The following FBXL2 variants were observed in gnomAD, a reference collection of about 807,000 sequenced individuals.
FBXL2 encodes F-box and leucine rich repeat protein 2, also known as F-box/LRR-repeat protein 2.
Under a neutral mutation model 69.2 loss-of-function variants are expected in FBXL2, and 38 were observed. That is an observed-to-expected ratio of 0.55 (90% CI 0.42 to 0.72). The LOEUF is 0.72. Among genes scored for constraint, FBXL2 ranks in the 30% least tolerant of loss-of-function variants. The pLI is 0.00. For missense variants in FBXL2, 354 were observed against 520.3 expected, an observed-to-expected ratio of 0.68 and a Z score of 3.11; for synonymous variants, 192 against 201.3, an observed-to-expected ratio of 0.95 and a Z score of 0.39.
chr3:33,277,399 C>A, upstream of FBXL2: 1 of 1,150,930 alleles, frequency 8.7e-7, no homozygotes, highest in Non-Finnish European at 1.1e-6. Context: ...CCAATGGCCG[C>A]CTCCGAGCCC....
At chr3:33,319,204 C>T (rs1420560788) in intron 2 of FBXL2, among the ~76,000 whole-genome samples, 1 of 151,966 alleles carries the variant, frequency 6.6e-6, no homozygotes, top group Non-Finnish European at 1.5e-5. Flanking sequence ...AGTATGGGAG[C>T]CCCCTTGTGG....
At chr3:33,404,240 G>A (rs560461934), downstream of FBXL2, among the ~76,000 whole-genome samples, 4 of 152,156 alleles carry the variant, frequency 2.6e-5, no homozygotes, top group Admixed American at 6.5e-5. Context: ...GTGACACCCC[G>A]TCTCTACTAA....
chr3:33,309,157 T>C (rs2036968056), intron 2 of FBXL2, among the ~76,000 whole-genome samples: 1 of 152,214 alleles, frequency 6.6e-6, no homozygotes, highest in African/African-American at 2.4e-5. Flanking sequence ...AATGTGCCAT[T>C]GCTGAAAGTG....
intron 5 of FBXL2, among the ~76,000 whole-genome samples, chr3:33,371,873 C>T (rs961107645): frequency 2.6e-5 from 4 of 152,108 alleles, no homozygotes; most frequent in African/African-American, 7.2e-5. Flanking sequence ...GCTAATTATG[C>T]GCCACTCCTA....
At chr3:33,311,105 A>G (rs555406034) in intron 2 of FBXL2, among the ~76,000 whole-genome samples, 3 of 152,246 alleles carry the variant, frequency 2.0e-5, no homozygotes, top group East Asian at 3.9e-4. Flanking sequence ...ATGTCATCCT[A>G]TTCTCTTGTA....
At chr3:33,293,200 T>A (rs2125704290) in intron 1 of FBXL2, among the ~76,000 whole-genome samples, 1 of 152,338 alleles carries the variant, frequency 6.6e-6, no homozygotes, top group East Asian at 1.9e-4. Context: ...ACAGCTGTCA[T>A]CATAGCTACC....
the FBXL2 span, among the ~76,000 whole-genome samples, chr3:33,416,473 CTT>C: frequency 1.3e-5 from 2 of 152,156 alleles, no homozygotes; most frequent in Admixed American, 1.3e-4. Flanking sequence ...CCCATATTAT[CTT>C]TTACTTTTAG....
At chr3:33,282,655 G>A (rs1277063088) in intron 1 of FBXL2, among the ~76,000 whole-genome samples, 4 of 152,240 alleles carry the variant, frequency 2.6e-5, no homozygotes, top group South Asian at 2.1e-4. Flanking sequence ...CCATTTTCAC[G>A]ATATTGATTC....
intron 2 of FBXL2, among the ~76,000 whole-genome samples, chr3:33,353,195 A>G (rs905140929): frequency 6.6e-6 from 1 of 152,226 alleles, no homozygotes; most frequent in African/African-American, 2.4e-5. Flanking sequence ...TCAAAATGGT[A>G]CAGCCAGTTT....
chr3:33,348,569 G>C (rs988202672), intron 2 of FBXL2, among the ~76,000 whole-genome samples: 2 of 152,054 alleles, frequency 1.3e-5, no homozygotes, highest in African/African-American at 4.8e-5. Context: ...TATTTTGATA[G>C]GGATTGCATT....
chr3:33,332,684 G>C (rs1258204131), intron 2 of FBXL2, among the ~76,000 whole-genome samples: 1 of 152,216 alleles, frequency 6.6e-6, no homozygotes, highest in Non-Finnish European at 1.5e-5. Context: ...TACTGTGCAT[G>C]TAGGCTATAT....
At chr3:33,395,849 CAAAA>C (rs1185296193) in intron 12 of FBXL2, among the ~76,000 whole-genome samples, 2 of 105,878 alleles carry the variant, frequency 1.9e-5, no homozygotes, top group Admixed American at 9.8e-5. Context: ...TAAATCTGAC[CAAAA>C]AAAAAAAAAA....
intron 2 of FBXL2, among the ~76,000 whole-genome samples, chr3:33,311,800 T>A (rs781031241): frequency 1.3e-5 from 2 of 152,052 alleles, no homozygotes; most frequent in African/African-American, 2.4e-5. Flanking sequence ...AATTTTTTTG[T>A]ATTTTAGTAG....
chr3:33,388,707 AAGTC>A (rs1487918224), downstream of FBXL2: 8 of 152,346 alleles, frequency 5.3e-5, no homozygotes, highest in East Asian at 1.9e-4. Context: ...CAAAGGGAAA[AAGTC>A]AGAAAGGAAA....
chr3:33,371,034 T>C (rs2042267797), intron 5 of FBXL2, among the ~76,000 whole-genome samples: 1 of 152,212 alleles, frequency 6.6e-6, no homozygotes, highest in Admixed American at 6.5e-5. Context: ...CTCTGTTCTA[T>C]TTCTGTTTCT....
chr3:33,401,172 C>T (rs2044215204), intron 12 of FBXL2, among the ~76,000 whole-genome samples: 1 of 152,152 alleles, frequency 6.6e-6, no homozygotes, highest in African/African-American at 2.4e-5. Flanking sequence ...GCAAGCGCAA[C>T]AGCTTAGGGT....
intron 2 of FBXL2, among the ~76,000 whole-genome samples, chr3:33,347,501 G>C (rs142740979): frequency 6.6e-6 from 1 of 152,200 alleles, no homozygotes; most frequent in African/African-American, 2.4e-5. Context: ...ATATCTCTTC[G>C]ATATACTGAT....
In FBXL2 at chr3:33,324,784, G is replaced by A. The variant is rs191922351; in HGVS notation, c.65+27059G>A. ...TTGCTTAGGAGTGTCTTGGCCATAC[G>A]GGCTCTTTTTTGGTTCCATATGAAA... is the stretch of plus-strand genomic sequence containing the variant. On this transcript the variant is annotated intron_variant, in intron 2 of 14. Coordinates refer to ENST00000484457, the MANE Select transcript of FBXL2 (RefSeq NM_012157.5). Among the ~76,000 whole-genome samples the A allele has an allele frequency of 2.0e-4, 30 of 152,140 alleles. No individual in the cohort carries two copies. In the East Asian group the frequency reaches 5.2e-3, roughly 26 times the overall value.
chr3:33,390,643 A>G, downstream of FBXL2: 1 of 500,412 alleles, frequency 2.0e-6, no homozygotes, highest in Non-Finnish European at 3.6e-6. Flanking sequence ...GGGGACATCT[A>G]TCAAGACACA....
Sources: gnomAD v4.1 joint callset for allele counts (sites outside exome capture counted in the v4.1 genomes callset) on GRCh38, gnomAD v4.1.1 for gene constraint, MANE v1.5 for transcripts, NCBI Gene and HGNC (gene_info 2026-07-23, HGNC 2026-07-21) for gene names.